Variants in CCDC73 observed in about 807,000 individuals in gnomAD.
CCDC73 encodes coiled-coil domain containing 73, also known as coiled-coil domain-containing protein 73.
In CCDC73, 95 loss-of-function variants were observed where a neutral mutation model predicts 116.5. The ratio of observed to expected loss-of-function variants is 0.82; its 90% CI spans 0.69 to 0.97. The LOEUF is 0.97. CCDC73 is among the 50% of genes least tolerant of loss of function. The probability of loss-of-function intolerance (pLI) is 0.00; values close to 1 mark genes in which losing one functional copy is unlikely to be tolerated. For missense variants in CCDC73, 1,066 were observed against 1,206.8 expected (o/e 0.88, Z 1.73); for synonymous variants, 398 against 401.3 (o/e 0.99, Z 0.10).
chr11:32,806,884 G>A, the CCDC73 span, among the ~76,000 whole-genome samples: 17 of 152,246 alleles, frequency 1.1e-4, no homozygotes, highest in East Asian at 5.8e-4. Context: ...CTAACCTGCC[G>A]CGGTTTGCCA....
intron 3 of CCDC73, among the ~76,000 whole-genome samples, chr11:32,710,035 G>C (rs1290890163): frequency 6.6e-6 from 1 of 152,128 alleles, no homozygotes; most frequent in African/African-American, 2.4e-5. Context: ...TATTTCTGTG[G>C]TATCAGTTGT....
At chr11:32,745,475 C>T (rs11031962) in intron 2 of CCDC73, among the ~76,000 whole-genome samples, 41,214 of 151,424 alleles carry the variant, frequency 0.27, 6,466 homozygotes, top group East Asian at 0.79. Flanking sequence ...TTTTTTGCCT[C>T]GTTGATCTAA....
At chr11:32,632,360 G>C (rs1194163107) in intron 14 of CCDC73, among the ~76,000 whole-genome samples, 3 of 152,084 alleles carry the variant, frequency 2.0e-5, no homozygotes, top group Non-Finnish European at 2.9e-5. Flanking sequence ...CAAGTAGCTG[G>C]AACTACAGGC....
chr11:32,737,844 C>T (rs1398730084), intron 2 of CCDC73, among the ~76,000 whole-genome samples: 1 of 152,016 alleles, frequency 6.6e-6, no homozygotes, highest in Admixed American at 6.6e-5. Flanking sequence ...ACCCCACTCC[C>T]ACTACCCTTC....
At chr11:32,641,709 G>A (rs980570274) in intron 13 of CCDC73, among the ~76,000 whole-genome samples, 1 of 84,778 alleles carries the variant, frequency 1.2e-5, no homozygotes, top group Admixed American at 1.1e-4. Context: ...ATATATATAT[G>A]TGTGTGTATA....
chr11:32,616,366 A>C (rs1445649492), intron 14 of CCDC73, among the ~76,000 whole-genome samples: 1 of 152,230 alleles, frequency 6.6e-6, no homozygotes, highest in Non-Finnish European at 1.5e-5. Flanking sequence ...ATACATTTTC[A>C]AACATGCATA....
At chr11:32,641,585 G>A (rs992144573) in intron 13 of CCDC73, among the ~76,000 whole-genome samples, 2 of 151,652 alleles carry the variant, frequency 1.3e-5, no homozygotes, top group African/African-American at 4.8e-5. Context: ...AAGCAAAATA[G>A]ATCAGTTAAT....
At chr11:32,723,124 C>G (rs1850004108) in intron 2 of CCDC73, among the ~76,000 whole-genome samples, 1 of 152,080 alleles carries the variant, frequency 6.6e-6, no homozygotes, top group East Asian at 1.9e-4. Context: ...GGAAACCATT[C>G]AAAATCATTT....
chr11:32,757,423 A>G (rs918147910), intron 2 of CCDC73, among the ~76,000 whole-genome samples: 1 of 152,206 alleles, frequency 6.6e-6, no homozygotes, highest in African/African-American at 2.4e-5. Flanking sequence ...TCCCAAAAAT[A>G]AGACCAATGA....
chr11:32,685,823 G>A (rs1212635763), intron 6 of CCDC73, among the ~76,000 whole-genome samples: 2 of 146,426 alleles, frequency 1.4e-5, no homozygotes, highest in Non-Finnish European at 3.0e-5. Flanking sequence ...CCAGGTTCAA[G>A]CAATTCTCCT....
Position 32,613,460 on chromosome 11 carries a change from T to C in CCDC73, c.2858A>G (p.Asn953Ser). The C allele has an allele frequency of 6.2e-7, 1 of 1,613,772 alleles. No homozygotes were observed. The highest frequency in any genetic ancestry group is 8.5e-7 in the Non-Finnish European group (1 of 1,179,788). ...KKIISMALCK[N>S]IGVDDVGKDI... is the part of the protein sequence containing the mutation. ...CTTTCCAACATCATCCACACCAATA[T>C]TTTTACAAAGAGCCATTGAAATGAT... Residue 953 changes from asparagine to serine, a missense_variant, in exon 16 of 18, where the codon AAT becomes AGT. Transcript: ENST00000335185.
intron 1 of CCDC73, among the ~76,000 whole-genome samples, chr11:32,789,464 AT>A (rs775693389): frequency 6.6e-6 from 1 of 152,138 alleles, no homozygotes; most frequent in Non-Finnish European, 1.5e-5. Flanking sequence ...AAACGTAGTG[AT>A]TTTTTTAAAA....
At chr11:32,630,988 A>G (rs892854984) in intron 14 of CCDC73, among the ~76,000 whole-genome samples, 1 of 152,276 alleles carries the variant, frequency 6.6e-6, no homozygotes, top group Non-Finnish European at 1.5e-5. Context: ...TGGATATTTC[A>G]TAATGATAAA....
intron 13 of CCDC73, among the ~76,000 whole-genome samples, chr11:32,639,284 C>T (rs934829970): frequency 2.0e-5 from 3 of 152,030 alleles, no homozygotes; most frequent in South Asian, 2.1e-4. Flanking sequence ...GTTAATAATG[C>T]TAAAAAGTAC....
intron 9 of CCDC73, among the ~76,000 whole-genome samples, chr11:32,666,030 C>CT (rs1228398779): frequency 6.6e-6 from 1 of 152,230 alleles, no homozygotes; most frequent in East Asian, 1.9e-4. Context: ...GAGATATCTG[C>CT]TGTTAGTCTG....
rs896587261 is a variant in CCDC73 at position 32,743,537 on chromosome 11, T to C, written c.135+16572A>G. Among the ~76,000 whole-genome samples, 19 of 142,312 alleles carry C rather than the reference T, an allele frequency of 1.3e-4. 1 individual carries two copies. Among genetic ancestry groups the C allele is most frequent in the Admixed American group, 1.2e-3 (16 of 13,894 alleles). The allele number at this position is 142,312 out of a possible 152,430, so 93.4% of individuals were successfully genotyped here. On this transcript the variant is annotated intron_variant, in intron 2 of 17. Coordinates refer to ENST00000335185, the MANE Select transcript of CCDC73 (RefSeq NM_001008391.4). ...TCTGGGACACATTTAAAGCAGTGTA[T>C]AGAGTGTTTGTTTTTTCCATTTGTT...
intron 2 of CCDC73, among the ~76,000 whole-genome samples, chr11:32,755,855 G>T (rs1317428333): frequency 2.3e-5 from 3 of 128,222 alleles, no homozygotes; most frequent in Admixed American, 8.5e-5. Flanking sequence ...ATATATGTGT[G>T]TGTATATATC....
chr11:32,683,692 A>T (rs1321630302), intron 6 of CCDC73, 118 bp from the exon 7 acceptor site: 1 of 616,536 alleles, frequency 1.6e-6, no homozygotes, highest in Non-Finnish European at 2.9e-6. Context: ...ACCATTATTG[A>T]TTTATTCAAC....
chr11:32,645,781 G>A (rs1337118756), intron 12 of CCDC73, among the ~76,000 whole-genome samples: 1 of 152,154 alleles, frequency 6.6e-6, no homozygotes, highest in Non-Finnish European at 1.5e-5. Flanking sequence ...TGTGAGTAAT[G>A]TGTTGTGCTA....
Sources: allele counts gnomAD v4.1 joint callset (sites outside exome capture counted in the v4.1 genomes callset), GRCh38; gene constraint gnomAD v4.1.1; transcripts MANE v1.5; gene names NCBI Gene and HGNC (gene_info 2026-07-23, HGNC 2026-07-21).